Variants in NHSL2 observed in about 807,000 individuals in gnomAD.
NHSL2 encodes the protein NHS like 2.
In NHSL2, 27 loss-of-function variants were observed where a neutral mutation model predicts 53.4. The ratio of observed to expected loss-of-function variants is 0.51; its 90% CI spans 0.37 to 0.70. NHSL2 has a LOEUF of 0.70. NHSL2 is among the 30% of genes least tolerant of loss of function. The pLI, the probability that NHSL2 is intolerant of heterozygous loss-of-function variation, is 0.00. For synonymous variants in NHSL2, 408 were observed against 404.1 expected (o/e 1.01, Z -0.12); for missense variants, 892 against 980.1 (o/e 0.91, Z 1.20).
At chrX:71,991,901 G>C (rs1407178414) in intron 1 of NHSL2, among the ~76,000 whole-genome samples, 1 of 110,541 alleles carries the variant, frequency 9.0e-6, no homozygotes, top group Non-Finnish European at 1.9e-5. Context: ...ATAGAGATAC[G>C]CACAGAGGGC....
intron 1 of NHSL2, among the ~76,000 whole-genome samples, chrX:72,007,263 G>C (rs768679616): frequency 1.8e-5 from 2 of 112,656 alleles, no homozygotes; most frequent in African/African-American, 6.4e-5. Context: ...TGGTAGAGTG[G>C]AATAAGAAAA....
At position 71,979,235 on chromosome X, in the gene NHSL2, G is replaced by C. The variant is rs776937777; in HGVS notation, c.280+67868G>C. Among the ~76,000 whole-genome samples, 267 of 110,674 alleles carry C rather than the reference G, an allele frequency of 2.4e-3. 1 individual carries two copies. The highest frequency in any genetic ancestry group is 8.4e-3 in the African/African-American group (254 of 30,333). ...ACAGTAAACATACGTGTGCATGTGT[G>C]TTTATAGCAGCATGATTTATAATCC... On this transcript the variant is annotated intron_variant, in intron 1 of 7. Transcript: ENST00000633930.
intron 1 of NHSL2, among the ~76,000 whole-genome samples, chrX:72,114,981 C>A (rs964653220): frequency 1.8e-5 from 2 of 112,034 alleles, no homozygotes; most frequent in Non-Finnish European, 1.9e-5. Context: ...TTTGAAGCAG[C>A]GATAGGCCAA....
In NHSL2 at chrX:72,149,424, C is replaced by A. The variant is rs1017170061; in HGVS notation, c.*5850C>A. The A allele has an allele frequency of 1.8e-5, 2 of 111,743 alleles. No individual in the cohort carries two copies. Among genetic ancestry groups the A allele is most frequent in the African/African-American group, 6.5e-5 (2 of 30,774 alleles). The allele number at this position is 111,743 out of a possible 1,213,427, so 9.2% of individuals were successfully genotyped here. ...AATCTGAACTGGAACAACTAGTTAA[C>A]CCCTCTCAGCCTCTTTGTAATGCCA... On this transcript the variant is annotated 3_prime_UTR_variant, in exon 8 of 8. Transcript: ENST00000633930.
rs754160638 is a variant in NHSL2 at position 72,139,277 on chromosome X, C to T, written c.1729C>T (p.Leu577=). 21 of 1,200,921 alleles carry T rather than the reference C, an allele frequency of 1.7e-5. No homozygotes were observed. The East Asian group carries it at 2.4e-4, about 14-fold the overall frequency. The change falls in exon 6 of 8, where the codon CTG becomes TTG. Residue 577 remains leucine (L), a synonymous_variant. Coordinates refer to ENST00000633930, the MANE Select transcript of NHSL2 (RefSeq NM_001013627.3). ...TTCCCCACCCACACGCAGTGTCTCA[C>T]TGGTCAAAGATGAGCCAGGCCTCTT... The part of the protein sequence containing the change: ...KPSPPTRSVS[L]VKDEPGLLPE...
chrX:71,966,794 T>C (rs1486853547), intron 1 of NHSL2, among the ~76,000 whole-genome samples: 2 of 111,847 alleles, frequency 1.8e-5, no homozygotes, highest in African/African-American at 6.5e-5. Flanking sequence ...CTTTGGGTAA[T>C]GCTGGCTTCA....
intron 1 of NHSL2, among the ~76,000 whole-genome samples, chrX:72,048,458 A>G (rs1254362928): frequency 5.4e-5 from 6 of 110,547 alleles, no homozygotes; most frequent in Non-Finnish European, 7.6e-5. Context: ...CTCCTGTCCA[A>G]TGGCCACCAC....
intron 1 of NHSL2, among the ~76,000 whole-genome samples, chrX:71,951,244 C>T (rs1257812807): frequency 1.2e-4 from 13 of 111,643 alleles, no homozygotes; most frequent in Admixed American, 1.1e-3. Flanking sequence ...CCAAGTCTTA[C>T]CTGCACTGAC....
chrX:72,085,246 C>A (rs1038523275), intron 1 of NHSL2, among the ~76,000 whole-genome samples: 2 of 112,052 alleles, frequency 1.8e-5, no homozygotes, highest in Non-Finnish European at 1.9e-5. Context: ...TACCACCCAG[C>A]CCCTCTCAAA....
At chrX:72,113,472 A>G (rs1288085870) in intron 1 of NHSL2, among the ~76,000 whole-genome samples, 1 of 111,930 alleles carries the variant, frequency 8.9e-6, no homozygotes, top group Non-Finnish European at 1.9e-5. Flanking sequence ...AACGAGACAT[A>G]GGGTTTTATT....
chrX:71,961,154 A>G (rs1036625147), intron 1 of NHSL2, among the ~76,000 whole-genome samples: 1 of 111,660 alleles, frequency 9.0e-6, no homozygotes, highest in Non-Finnish European at 1.9e-5. Context: ...TGTAAGTGGA[A>G]TTGTTTTCTT....
At chrX:72,086,320 TC>T (rs35952678) in intron 1 of NHSL2, among the ~76,000 whole-genome samples, 7,505 of 111,599 alleles carry the variant, frequency 0.067, 511 homozygotes, top group African/African-American at 0.2. Context: ...TTCTCATACT[TC>T]CTTATAGGGA....
chrX:72,130,705 C>A, intron 1 of NHSL2: 1 of 1,211,871 alleles, frequency 8.3e-7, no homozygotes, highest in South Asian at 1.8e-5. Flanking sequence ...TTCCGACAGG[C>A]CTTTGAGGAA....
rs1358614915 is a variant in NHSL2 at position 71,956,553 on chromosome X, A to G, written c.280+45186A>G. On this transcript the variant is annotated intron_variant, in intron 1 of 7. Coordinates refer to ENST00000633930, the MANE Select transcript of NHSL2 (RefSeq NM_001013627.3). ...TATGATACAACCTTTCTAAACAGCA[A>G]TTTTTAAAAAACATAAAAGAAGTGT... 3.6e-5 allele frequency among the ~76,000 whole-genome samples: 4 copies of G among 111,435 alleles called. No individual in the cohort carries two copies. The Admixed American group carries it at 3.8e-4, about 11-fold the overall frequency.
intron 1 of NHSL2, among the ~76,000 whole-genome samples, chrX:71,963,829 A>G (rs1038816992): frequency 9.7e-6 from 1 of 103,041 alleles, no homozygotes; most frequent in African/African-American, 3.5e-5. Flanking sequence ...AGGCTGAGGT[A>G]GGAGGATCAC....
intron 1 of NHSL2, among the ~76,000 whole-genome samples, chrX:71,928,909 G>A (rs1373265398): frequency 2.7e-5 from 3 of 112,107 alleles, no homozygotes; most frequent in African/African-American, 6.5e-5. Flanking sequence ...GAGAGCCTGG[G>A]CCATATCCTG....
At chrX:71,948,774 G>C (rs1261892666) in intron 1 of NHSL2, among the ~76,000 whole-genome samples, 1 of 107,616 alleles carries the variant, frequency 9.3e-6, no homozygotes, top group Non-Finnish European at 1.9e-5. Flanking sequence ...AGGTTGCAGT[G>C]AGCCGAGATC....
chrX:71,938,573 T>A (rs1012601407), intron 1 of NHSL2, among the ~76,000 whole-genome samples: 8 of 111,729 alleles, frequency 7.2e-5, no homozygotes, highest in African/African-American at 2.6e-4. Flanking sequence ...GCGAGTAGGG[T>A]TGGGTGAGTC....
chrX:71,979,126 T>C (rs896473898), intron 1 of NHSL2, among the ~76,000 whole-genome samples: 5 of 110,948 alleles, frequency 4.5e-5, no homozygotes, highest in Non-Finnish European at 9.4e-5. Flanking sequence ...TTCCATGGTG[T>C]ATATGTGCCA....
Sources: allele counts gnomAD v4.1 joint callset (sites outside exome capture counted in the v4.1 genomes callset), GRCh38; gene constraint gnomAD v4.1.1; transcripts MANE v1.5; gene names NCBI Gene and HGNC (gene_info 2026-07-23, HGNC 2026-07-21).